DTNB: variants seen among roughly 807,000 people sequenced by gnomAD.
DTNB encodes dystrobrevin beta.
A neutral mutation model predicts 90.7 loss-of-function variants in DTNB; 63 were observed. That is an observed-to-expected ratio of 0.69 (90% CI 0.57 to 0.86). DTNB has a LOEUF of 0.86. Among genes scored for constraint, DTNB ranks in the 40% least tolerant of loss-of-function variants. The pLI is 0.00. For missense variants in DTNB, 744 were observed against 807.1 expected (o/e 0.92, Z 0.95); for synonymous variants, 277 against 286.7 (o/e 0.97, Z 0.34).
rs898366993 is a variant in DTNB, at chr2:25,518,789, A to C, written c.1001+12684T>G. On this transcript the variant is annotated intron_variant, in intron 9 of 20. Transcript: ENST00000406818. ...TTCTGGGACTTTCAGCCTGAAACGG[A>C]GCAAAACAGGTAACATTCATACCAG... Among the ~76,000 whole-genome samples, 5 of 152,164 alleles carry C rather than the reference A, an allele frequency of 3.3e-5. No individual in the cohort carries two copies. The East Asian group carries it at 9.6e-4, about 29-fold the overall frequency.
chr2:25,659,698 A>G (rs1178650194), intron 1 of DTNB, among the ~76,000 whole-genome samples: 1 of 152,170 alleles, frequency 6.6e-6, no homozygotes, highest in East Asian at 1.9e-4. Context: ...GAACTCGCCC[A>G]GGGTGAAACA....
At chr2:25,435,968 A>C (rs186518463) in intron 12 of DTNB, among the ~76,000 whole-genome samples, 1 of 152,176 alleles carries the variant, frequency 6.6e-6, no homozygotes, top group Non-Finnish European at 1.5e-5. Flanking sequence ...GGCCATTTGT[A>C]TATGTTTTGT....
At chr2:25,487,264 C>T (rs2150422612) in intron 9 of DTNB, among the ~76,000 whole-genome samples, 1 of 152,248 alleles carries the variant, frequency 6.6e-6, no homozygotes, top group Middle Eastern at 3.4e-3. Context: ...GTGGGTTCAA[C>T]CAACTGCAGA....
intron 13 of DTNB, among the ~76,000 whole-genome samples, chr2:25,433,476 T>TA (rs889521719): frequency 2.6e-4 from 40 of 152,148 alleles, no homozygotes; most frequent in African/African-American, 9.6e-4. Context: ...TACCTTTCAG[T>TA]ACATAATGGT....
chr2:25,479,464 G>A (rs1250739570), intron 10 of DTNB, among the ~76,000 whole-genome samples: 1 of 152,126 alleles, frequency 6.6e-6, no homozygotes, highest in Non-Finnish European at 1.5e-5. Flanking sequence ...CTATGTGGAC[G>A]CTTTTAAAAG....
chr2:25,533,375 A>C (rs1227103822), intron 8 of DTNB, among the ~76,000 whole-genome samples: 1 of 152,132 alleles, frequency 6.6e-6, no homozygotes, highest in Non-Finnish European at 1.5e-5. Flanking sequence ...ATGTAACCTA[A>C]TTTCCTGAAA....
chr2:25,386,014 G>A (rs950761246), intron 18 of DTNB: 8 of 985,312 alleles, frequency 8.1e-6, no homozygotes, highest in South Asian at 4.7e-5. Context: ...TAGGGAAAGC[G>A]CCTTCTAATC....
chr2:25,485,174 T>A (rs1470827016), intron 9 of DTNB, among the ~76,000 whole-genome samples: 1 of 152,146 alleles, frequency 6.6e-6, no homozygotes, highest in Non-Finnish European at 1.5e-5. Context: ...ATATATTTTT[T>A]AATTTTTAAT....
chr2:25,635,298 G>GC (rs1450218652), intron 3 of DTNB, among the ~76,000 whole-genome samples: 4 of 152,070 alleles, frequency 2.6e-5, no homozygotes, highest in Non-Finnish European at 5.9e-5. Context: ...GGGTATGGTG[G>GC]CGGGCGCCTG....
intron 16 of DTNB, among the ~76,000 whole-genome samples, chr2:25,415,028 G>C (rs759696058): frequency 2.0e-5 from 3 of 152,154 alleles, no homozygotes; most frequent in African/African-American, 2.4e-5. Flanking sequence ...GGGGAAGAGA[G>C]AGAGGAAAGA....
intron 16 of DTNB, chr2:25,399,350 C>CA (rs1553325367): frequency 1.7e-5 from 2 of 119,964 alleles, no homozygotes; most frequent in African/African-American, 7.4e-5. Context: ...CGCCCCTGAC[C>CA]TTTTTTTTTT....
chr2:25,556,170 C>CTCTTTTT (rs1553523957), intron 8 of DTNB, among the ~76,000 whole-genome samples: 1 of 105,566 alleles, frequency 9.5e-6, no homozygotes, highest in Non-Finnish European at 1.8e-5. Context: ...GGCCATCTCT[C>CTCTTTTT]TTTTTTTTTT....
intron 8 of DTNB, among the ~76,000 whole-genome samples, chr2:25,561,517 C>T (rs1201433059): frequency 6.6e-6 from 1 of 152,190 alleles, no homozygotes; most frequent in Non-Finnish European, 1.5e-5. Context: ...TGTGGGTCCC[C>T]TCCAAATCTC....
intron 4 of DTNB, among the ~76,000 whole-genome samples, chr2:25,618,811 A>G (rs547579892): frequency 6.6e-6 from 1 of 152,162 alleles, no homozygotes; most frequent in Non-Finnish European, 1.5e-5. Flanking sequence ...TCTCTGCATG[A>G]TTCATTTCCA....
At chr2:25,653,474 GCTTGCTTT>G (rs1408471265) in intron 1 of DTNB, among the ~76,000 whole-genome samples, 258 of 112,236 alleles carry the variant, frequency 2.3e-3, no homozygotes, top group East Asian at 7.0e-3. Context: ...ACTGTTCAGA[GCTTGCTTT>G]CTTTCTTTCT....
At chr2:25,571,515 T>C (rs1037137920) in intron 8 of DTNB, among the ~76,000 whole-genome samples, 7 of 152,200 alleles carry the variant, frequency 4.6e-5, no homozygotes, top group Non-Finnish European at 1.5e-5. Context: ...TTTACAGGTA[T>C]ACCCCTACCC....
chr2:25,523,013 A>AT (rs2076425518), intron 9 of DTNB, among the ~76,000 whole-genome samples: 1 of 152,076 alleles, frequency 6.6e-6, no homozygotes, highest in Non-Finnish European at 1.5e-5. Flanking sequence ...GAGTCCACAC[A>AT]TTTTCTAAAG....
chr2:25,516,751 G>A (rs975126603), intron 9 of DTNB, among the ~76,000 whole-genome samples: 4 of 151,788 alleles, frequency 2.6e-5, no homozygotes, highest in Non-Finnish European at 4.4e-5. Flanking sequence ...TTAGCTGGGC[G>A]TGGTGGTGGG....
intron 2 of DTNB, chr2:25,649,837 T>G (rs1192827379): frequency 5.7e-6 from 1 of 176,720 alleles, no homozygotes; most frequent in Non-Finnish European, 1.1e-5. Context: ...ATCAACATAC[T>G]AAATGATACA....
Sources: allele counts gnomAD v4.1 joint callset (sites outside exome capture counted in the v4.1 genomes callset), GRCh38; gene constraint gnomAD v4.1.1; transcripts MANE v1.5; gene names NCBI Gene and HGNC (gene_info 2026-07-23, HGNC 2026-07-21).